TLE4: variants seen among roughly 807,000 people sequenced by gnomAD.
The protein encoded by TLE4 is transducin-like enhancer protein 4.
TLE4 carries 8 observed loss-of-function variants against 92.8 expected under a neutral mutation model. The observed-to-expected ratio is 0.09, with a 90% CI of 0.05 to 0.16. TLE4 has a LOEUF of 0.16. Among genes scored for constraint, TLE4 ranks in the 10% least tolerant of loss-of-function variants. The pLI, the probability that TLE4 is intolerant of heterozygous loss-of-function variation, is 1.00. For synonymous variants in TLE4, 371 were observed against 374.1 expected, an observed-to-expected ratio of 0.99 and a Z score of 0.10; for missense variants, 675 against 997.6, an observed-to-expected ratio of 0.68 and a Z score of 4.36.
At chr9:79,617,672 T>C (rs555644691) in intron 5 of TLE4, among the ~76,000 whole-genome samples, 1 of 152,244 alleles carries the variant, frequency 6.6e-6, no homozygotes, top group South Asian at 2.1e-4. Flanking sequence ...CTTTAAAATG[T>C]GGAGCAAAAT....
chr9:79,625,226 A>G (rs1230618804), intron 5 of TLE4, among the ~76,000 whole-genome samples: 3 of 151,104 alleles, frequency 2.0e-5, no homozygotes, highest in Non-Finnish European at 4.4e-5. Context: ...TCGCCGTTTT[A>G]GCCGGGATGG....
chr9:79,603,637 G>A (rs965431148), intron 4 of TLE4, among the ~76,000 whole-genome samples: 23 of 151,986 alleles, frequency 1.5e-4, no homozygotes, highest in African/African-American at 5.3e-4. Context: ...TGTGTGACTC[G>A]CTTTATTGTA....
intron 5 of TLE4, among the ~76,000 whole-genome samples, chr9:79,614,571 C>T (rs962854703): frequency 2.0e-5 from 3 of 152,140 alleles, no homozygotes; most frequent in Non-Finnish European, 4.4e-5. Context: ...AACTCATTTG[C>T]TCTAGTCTGG....
intron 8 of TLE4, among the ~76,000 whole-genome samples, chr9:79,695,964 G>C (rs1249207515): frequency 6.6e-6 from 1 of 152,198 alleles, no homozygotes; most frequent in Non-Finnish European, 1.5e-5. Flanking sequence ...CTTATATCAA[G>C]TGTGAGATGT....
intron 8 of TLE4, among the ~76,000 whole-genome samples, chr9:79,695,336 C>G (rs1316636233): frequency 9.3e-6 from 1 of 107,940 alleles, no homozygotes; most frequent in East Asian, 2.6e-4. Context: ...TTTGGTGTGC[C>G]TACAAATGCA....
intron 4 of TLE4, among the ~76,000 whole-genome samples, chr9:79,610,797 A>G (rs2048190758): frequency 6.6e-6 from 1 of 152,014 alleles, no homozygotes; most frequent in Non-Finnish European, 1.5e-5. Context: ...CCTAGGTCCA[A>G]AATTTTATTT....
chr9:79,625,092 T>C (rs1166464314), intron 5 of TLE4, among the ~76,000 whole-genome samples: 1 of 132,340 alleles, frequency 7.6e-6, no homozygotes, highest in East Asian at 2.5e-4. Context: ...GGATCTCGGC[T>C]CACTGCAAGC....
intron 8 of TLE4, among the ~76,000 whole-genome samples, chr9:79,699,272 G>A (rs2135739161): frequency 6.6e-6 from 1 of 152,198 alleles, no homozygotes; most frequent in East Asian, 1.9e-4. Flanking sequence ...CATCAGTAAA[G>A]GATCTACAGG....
At position 79,624,504 on chromosome 9, in the gene TLE4, T is replaced by C. The variant is rs2051956842; in HGVS notation, c.316-2870T>C. Among the ~76,000 whole-genome samples, 4 of 152,346 alleles carry C rather than the reference T, an allele frequency of 2.6e-5. No individual in the cohort carries two copies. In the South Asian group the frequency reaches 8.3e-4, roughly 32 times the overall value. ...AAGCAGAAATAGGGAAGTAGAATTC[T>C]GAACTGCAGGTAAAGTTCAGATATC... On this transcript the variant is annotated intron_variant, in intron 5 of 19. Coordinates refer to ENST00000376552, the MANE Select transcript of TLE4 (RefSeq NM_007005.6).
intron 14 of TLE4, among the ~76,000 whole-genome samples, chr9:79,717,727 C>G (rs1210516313): frequency 6.6e-6 from 1 of 152,214 alleles, no homozygotes; most frequent in Non-Finnish European, 1.5e-5. Context: ...AATGCTTTCC[C>G]TTGGTATGTC....
intron 4 of TLE4, among the ~76,000 whole-genome samples, chr9:79,610,212 A>C (rs1320287108): frequency 6.6e-6 from 1 of 152,098 alleles, no homozygotes; most frequent in Non-Finnish European, 1.5e-5. Flanking sequence ...TTAGGGCCCT[A>C]ATTACATTAC....
chr9:79,612,515 G>T, intron 4 of TLE4, 141 bp from the exon 5 acceptor site: 1 of 712,468 alleles, frequency 1.4e-6, no homozygotes, highest in Non-Finnish European at 2.5e-6. Context: ...TGGGCTTACT[G>T]ATGAGATAGT....
At chr9:79,628,313 CTTT>C (rs898255151) in intron 6 of TLE4, among the ~76,000 whole-genome samples, 3 of 148,410 alleles carry the variant, frequency 2.0e-5, no homozygotes, top group Middle Eastern at 3.4e-3. Flanking sequence ...ACACAAAAGT[CTTT>C]TTTTTTTCTG....
intron 4 of TLE4, among the ~76,000 whole-genome samples, chr9:79,596,519 A>G (rs1758278914): frequency 1.3e-5 from 2 of 152,174 alleles, no homozygotes; most frequent in South Asian, 4.1e-4. Context: ...CCACTGTACC[A>G]GTGAGTCTGG....
At chr9:79,714,851 G>A (rs973730546) in intron 14 of TLE4, among the ~76,000 whole-genome samples, 5 of 152,130 alleles carry the variant, frequency 3.3e-5, no homozygotes, top group Non-Finnish European at 5.9e-5. Context: ...TTTGCGCCTC[G>A]GTTTCTCTGA....
chr9:79,618,379 A>T (rs2133248163), intron 5 of TLE4, among the ~76,000 whole-genome samples: 1 of 152,310 alleles, frequency 6.6e-6, no homozygotes, highest in East Asian at 1.9e-4. Context: ...AATGTTGGAG[A>T]AGAGTCACCC....
intron 6 of TLE4, 52 bp downstream of exon 6, chr9:79,627,500 C>T: frequency 6.4e-7 from 1 of 1,552,702 alleles, no homozygotes; most frequent in South Asian, 1.1e-5. Flanking sequence ...CATCAGCTCT[C>T]TCGCTCTCTC....
chr9:79,573,796 T>C lies in TLE4; in HGVS notation c.143+10T>C, dbSNP rs2036725617. 1.9e-6 allele frequency: 3 copies of C among 1,564,142 alleles called. No individual in the cohort carries two copies. The highest frequency in any genetic ancestry group is 2.3e-5 in the East Asian group (1 of 43,836). On this transcript the variant is annotated intron_variant, in intron 2 of 19. Transcript: ENST00000376552. ...AGGCTCAATACCACAGGTAACGATA[T>C]TGACTTTAGCTGATCCTTCTGTTTG...
At chr9:79,573,128 G>C (rs1457922732) in intron 1 of TLE4, 1 of 644,920 alleles carries the variant, frequency 1.6e-6, no homozygotes, top group Non-Finnish European at 2.1e-6. Flanking sequence ...CTCGAGGGGG[G>C]GTGGCGAGCG....
Sources: allele counts gnomAD v4.1 joint callset (sites outside exome capture counted in the v4.1 genomes callset), GRCh38; gene constraint gnomAD v4.1.1; transcripts MANE v1.5; gene names NCBI Gene and HGNC (gene_info 2026-07-23, HGNC 2026-07-21).